Variants in CLEC9A observed in about 807,000 individuals in gnomAD.
CLEC9A encodes the protein C-type lectin domain containing 9A, also known as C-type lectin domain family 9 member A.
CLEC9A carries 24 observed loss-of-function variants against 30.0 expected under a neutral mutation model. The ratio of observed to expected loss-of-function variants is 0.80; its 90% CI spans 0.58 to 1.13. CLEC9A has a LOEUF of 1.13. CLEC9A is among the 50% of genes most tolerant of loss of function. The pLI is 0.00. For synonymous variants in CLEC9A, 111 were observed against 96.8 expected (o/e 1.15, Z -0.86); for missense variants, 251 against 280.9 (o/e 0.89, Z 0.76).
intron 1 of CLEC9A, among the ~76,000 whole-genome samples, chr12:10,037,362 T>A (rs1865752519): frequency 6.6e-6 from 1 of 152,246 alleles, no homozygotes; most frequent in Non-Finnish European, 1.5e-5. Context: ...ATTCTTATTT[T>A]ACAATAATTT....
intron 2 of CLEC9A, among the ~76,000 whole-genome samples, chr12:10,044,213 G>C (rs565201574): frequency 2.6e-5 from 4 of 152,228 alleles, no homozygotes; most frequent in African/African-American, 9.6e-5. Flanking sequence ...GTGAACTTTT[G>C]TCACTTCCTA....
intron 1 of CLEC9A, among the ~76,000 whole-genome samples, chr12:10,034,462 T>C (rs1304690955): frequency 6.6e-6 from 1 of 152,246 alleles, no homozygotes; most frequent in East Asian, 1.9e-4. Context: ...CTTTTCATGA[T>C]GTAAAATTAT....
rs556568976 is a variant in CLEC9A at position 10,046,378 on chromosome 12, T to C, written c.-163+4758T>C. Among the ~76,000 whole-genome samples, 3 of 152,300 alleles carry C rather than the reference T, an allele frequency of 2.0e-5. No homozygotes were observed. In the East Asian group the frequency reaches 5.8e-4, roughly 29 times the overall value. On this transcript the variant is annotated intron_variant, in intron 2 of 8. Coordinates refer to ENST00000355819, the MANE Select transcript of CLEC9A (RefSeq NM_207345.4). ...TCTGGTTAGACTCAACAGCAGTAAT[T>C]TTTTGTGCAAAAGAAGGAAAAGAAA...
In CLEC9A at chr12:10,064,803, A is replaced by C; in HGVS notation, c.543A>C (p.Gly181=). ...YDYWVGLSQD[G]HSGRWLWQDG... is the part of the protein sequence containing the mutation. ...ACTGGGTGGGGTTGTCTCAGGATGGACACAGCGGACGCTGGCTTTGGCAAG... is the reference window on the plus strand; with the variant it reads ...ACTGGGTGGGGTTGTCTCAGGATGGCCACAGCGGACGCTGGCTTTGGCAAG... The change falls in exon 8 of 9, where the codon GGA becomes GGC. Residue 181 remains glycine (G), a synonymous_variant. Transcript: ENST00000355819. The C allele has an allele frequency of 1.9e-6, 3 of 1,613,660 alleles. No homozygotes were observed. In the South Asian group the frequency reaches 3.3e-5, roughly 18 times the overall value.
At chr12:10,032,653 C>A (rs1865709950) in intron 1 of CLEC9A, among the ~76,000 whole-genome samples, 1 of 151,946 alleles carries the variant, frequency 6.6e-6, no homozygotes, top group African/African-American at 2.4e-5. Flanking sequence ...GGCCTCCCAA[C>A]GAGCTGGGAT....
intron 2 of CLEC9A, among the ~76,000 whole-genome samples, chr12:10,050,541 A>T (rs1050896783): frequency 2.6e-5 from 4 of 152,250 alleles, no homozygotes; most frequent in African/African-American, 9.6e-5. Flanking sequence ...TCGGAATATA[A>T]TTAGCAATAA....
chr12:10,042,084 T>C lies in CLEC9A; in HGVS notation c.-163+464T>C, dbSNP rs911739858. ...AAGATTAATTGAAGACATATATGTA[T>C]ATCCTGAATTTGTATTACTCTAGGC... On this transcript the variant is annotated intron_variant, in intron 2 of 8. Coordinates refer to ENST00000355819, the MANE Select transcript of CLEC9A (RefSeq NM_207345.4). Among the ~76,000 whole-genome samples the C allele has an allele frequency of 2.6e-5, 4 of 152,246 alleles. No individual in the cohort carries two copies. In the East Asian group the frequency reaches 7.7e-4, roughly 29 times the overall value.
intron 1 of CLEC9A, among the ~76,000 whole-genome samples, chr12:10,040,024 C>T (rs1197413855): frequency 2.6e-5 from 4 of 152,146 alleles, no homozygotes; most frequent in Non-Finnish European, 4.4e-5. Flanking sequence ...AGTTTCGCCA[C>T]GTTGGCCAGG....
chr12:10,054,996 G>A (rs1001972005), intron 5 of CLEC9A, among the ~76,000 whole-genome samples: 1 of 152,118 alleles, frequency 6.6e-6, no homozygotes, highest in Non-Finnish European at 1.5e-5. Context: ...GACATCAGCT[G>A]GAGAGGAAGA....
At chr12:10,063,346 C>T (rs752214379) in intron 7 of CLEC9A, 140 bp downstream of exon 7, 171 of 822,600 alleles carry the variant, frequency 2.1e-4, no homozygotes, top group Non-Finnish European at 2.7e-4. Flanking sequence ...TTAAAAGAAA[C>T]AAAGTTGGAA....
At chr12:10,038,375 A>T (rs923577173) in intron 1 of CLEC9A, among the ~76,000 whole-genome samples, 1 of 152,246 alleles carries the variant, frequency 6.6e-6, no homozygotes, top group Non-Finnish European at 1.5e-5. Flanking sequence ...AAGTGAATTG[A>T]CAAAGAATTC....
At chr12:10,055,883 A>C (rs1041140151) in intron 5 of CLEC9A, among the ~76,000 whole-genome samples, 2 of 151,452 alleles carry the variant, frequency 1.3e-5, no homozygotes, top group African/African-American at 4.9e-5. Flanking sequence ...ATGGTGAAAC[A>C]TCATCTCTAC....
At chr12:10,051,031 C>A (rs1865888605) in intron 2 of CLEC9A, among the ~76,000 whole-genome samples, 1 of 151,864 alleles carries the variant, frequency 6.6e-6, no homozygotes, top group African/African-American at 2.4e-5. Context: ...ATAGTGAAAC[C>A]CTGTCTCTAC....
chr12:10,054,421 T>A, intron 5 of CLEC9A, 70 bp downstream of exon 5: 1 of 1,011,876 alleles, frequency 9.9e-7, no homozygotes, highest in South Asian at 1.5e-5. Context: ...TATAAATGGA[T>A]GGAAAATCAA....
chr12:10,050,037 C>T (rs1005298854), intron 2 of CLEC9A, among the ~76,000 whole-genome samples: 4 of 152,108 alleles, frequency 2.6e-5, no homozygotes, highest in African/African-American at 7.2e-5. Context: ...TATTAATTGA[C>T]CTATTTTTAA....
In CLEC9A at chr12:10,065,918, G is replaced by A. The variant is rs184799437; in HGVS notation, c.*286G>A. On this transcript the variant is annotated 3_prime_UTR_variant, in exon 9 of 9. Transcript: ENST00000355819. ...AAATAATTTTTATTGTTTAAAGCCC[G>A]GAATGACTGTAACTTTCACACAAGG... The A allele has an allele frequency of 5.3e-4, 130 of 246,466 alleles. No homozygotes were observed. The highest frequency in any genetic ancestry group is 2.1e-3 in the African/African-American group (93 of 44,468). The allele number at this position is 246,466 out of a possible 1,614,324, so 15.3% of individuals were successfully genotyped here. A position where few individuals can be genotyped will look rare whatever the true frequency, so the allele number is the denominator to read the frequency against.
intron 1 of CLEC9A, among the ~76,000 whole-genome samples, chr12:10,032,180 G>T (rs1226708816): frequency 6.6e-6 from 1 of 152,196 alleles, no homozygotes; most frequent in South Asian, 2.1e-4. Flanking sequence ...AGCCACTTTG[G>T]AAGGCAGTGT....
At chr12:10,048,277 G>T (rs569365041) in intron 2 of CLEC9A, among the ~76,000 whole-genome samples, 3 of 150,820 alleles carry the variant, frequency 2.0e-5, no homozygotes, top group African/African-American at 7.3e-5. Context: ...GGTGGTGCAC[G>T]CATGTAGTCC....
At chr12:10,052,821 GTT>G (rs375899502) in intron 4 of CLEC9A, 43 bp downstream of exon 4, 506 of 1,377,264 alleles carry the variant, frequency 3.7e-4, no homozygotes, top group Middle Eastern at 6.3e-4. Context: ...TAGAGTTCAT[GTT>G]TTTTTTTTTT....
Sources: gnomAD v4.1 joint callset for allele counts (sites outside exome capture counted in the v4.1 genomes callset) on GRCh38, gnomAD v4.1.1 for gene constraint, MANE v1.5 for transcripts, NCBI Gene and HGNC (gene_info 2026-07-23, HGNC 2026-07-21) for gene names.